SCIMP: variants seen among roughly 807,000 people sequenced by gnomAD.
The protein encoded by SCIMP is SLP adaptor and CSK interacting membrane protein.
A neutral mutation model predicts 22.0 loss-of-function variants in SCIMP; 18 were observed. The ratio of observed to expected loss-of-function variants is 0.82; its 90% CI spans 0.56 to 1.21. The LOEUF (loss-of-function observed/expected upper bound fraction) is 1.21. Among genes scored for constraint, SCIMP ranks in the 50% most tolerant of loss-of-function variants. SCIMP has a pLI of 0.00. For synonymous variants in SCIMP, 53 were observed against 62.2 expected (o/e 0.85, Z 0.70); for missense variants, 155 against 171.2 (o/e 0.91, Z 0.53).
intron 1 of SCIMP, among the ~76,000 whole-genome samples, chr17:5,224,132 T>G (rs1001760473): frequency 6.6e-6 from 1 of 152,256 alleles, no homozygotes; most frequent in African/African-American, 2.4e-5. Flanking sequence ...AATAATTGAC[T>G]GCAGGGTTGT....
chr17:5,228,663 A>G (rs561476268), intron 1 of SCIMP, among the ~76,000 whole-genome samples: 192 of 152,060 alleles, frequency 1.3e-3, no homozygotes, highest in African/African-American at 3.8e-3. Context: ...AAGAAAAAAC[A>G]GTGAAATGCA....
rs1237465911 is a variant in SCIMP, at chr17:5,232,767, C to T, written c.21+1968G>A. Among the ~76,000 whole-genome samples the T allele has an allele frequency of 2.0e-5, 3 of 151,668 alleles. No homozygotes were observed. The East Asian group carries it at 5.8e-4, about 29-fold the overall frequency. Reference sequence around the variant, plus strand: ...GCTCTGTCACCCAGGCTAGACTCCACTGGTGCAATCTCAGCTCACTGCAAC... The same window carrying T: ...GCTCTGTCACCCAGGCTAGACTCCATTGGTGCAATCTCAGCTCACTGCAAC... On this transcript the variant is annotated intron_variant, in intron 1 of 4. Transcript: ENST00000574081.
chr17:5,232,716 T>TC (rs2144354273), intron 1 of SCIMP, among the ~76,000 whole-genome samples: 1 of 111,072 alleles, frequency 9.0e-6, no homozygotes, highest in East Asian at 2.9e-4. Flanking sequence ...GTTCTTCTTC[T>TC]TTTTTTTTTT....
intron 1 of SCIMP, chr17:5,233,725 G>C (rs1567845702): frequency 6.6e-6 from 1 of 152,302 alleles, no homozygotes; most frequent in Non-Finnish European, 1.5e-5. Context: ...GCTCCACATT[G>C]CTTCATGGCC....
At chr17:5,224,490 G>T (rs1353725191) in intron 1 of SCIMP, among the ~76,000 whole-genome samples, 2 of 140,988 alleles carry the variant, frequency 1.4e-5, no homozygotes, top group South Asian at 2.3e-4. Flanking sequence ...TGAGACAGAG[G>T]CTTGCTCTGT....
intron 1 of SCIMP, among the ~76,000 whole-genome samples, chr17:5,233,370 A>C (rs985734744): frequency 5.2e-5 from 3 of 57,176 alleles, no homozygotes; most frequent in African/African-American, 1.1e-4. Context: ...TAAGCCTCTC[A>C]GTAGTTTGTT....
chr17:5,210,564 G>GA lies in SCIMP; in HGVS notation c.*236_*237insT, dbSNP rs2144298193. On this transcript the variant is annotated 3_prime_UTR_variant, in exon 5 of 5. Coordinates refer to ENST00000574081, the MANE Select transcript of SCIMP (RefSeq NM_207103.3). The stretch of plus-strand genomic sequence containing the variant: ...ATGGAAAGTTTCCTCAACAGCACAA[G>GA]GCTGACCCCTCTAAGTCCTCAGAGC... 2.1e-6 allele frequency: 1 copy of GA among 478,232 alleles called. No homozygotes were observed. 29.6% of individuals were successfully genotyped at this position (478,232 alleles called of 1,614,324 possible). A position where few individuals can be genotyped will look rare whatever the true frequency, so the allele number is the denominator to read the frequency against.
In SCIMP at chr17:5,229,247, G is replaced by A. The variant is rs190494550; in HGVS notation, c.21+5488C>T. Among the ~76,000 whole-genome samples the A allele has an allele frequency of 9.9e-5, 15 of 152,264 alleles. No individual in the cohort carries two copies. In the East Asian group the frequency reaches 1.7e-3, roughly 18 times the overall value. On this transcript the variant is annotated intron_variant, in intron 1 of 4. Transcript: ENST00000574081. ...CAAGACCTTCCACAGTGAAGAGGGC[G>A]TGTGAGTGGGAGAGCAACTGAAGGC...
chr17:5,210,887 T>C lies in SCIMP; in HGVS notation c.352A>G (p.Thr118Ala). ...TCAATGTAGCTTGGGATGGAAACAG[T>C]CTTCTTATTTTTAACTTTATTTACC... ...SLVNKVKNKK[T>A]VSIPSYIEPE... Residue 118 changes from threonine (T) to alanine (A), a missense_variant, in exon 5 of 5, where the codon ACT (threonine) becomes GCT (alanine). Thr to Ala is a moderately conservative substitution (Grantham distance 58). Transcript: ENST00000574081. 4 of 1,614,118 alleles carry C rather than the reference T, an allele frequency of 2.5e-6. No individual in the cohort carries two copies. The highest frequency in any genetic ancestry group is 3.4e-6 in the Non-Finnish European group (4 of 1,180,030).
At chr17:5,228,637 C>G (rs2074670429) in intron 1 of SCIMP, among the ~76,000 whole-genome samples, 1 of 151,806 alleles carries the variant, frequency 6.6e-6, no homozygotes, top group Non-Finnish European at 1.5e-5. Flanking sequence ...AGAGTAAGAC[C>G]CTGTCTCAAA....
chr17:5,221,057 CA>C (rs137985713), intron 3 of SCIMP: 57,313 of 476,210 alleles, frequency 0.12, no homozygotes, highest in South Asian at 0.18. Flanking sequence ...GACTCCATCT[CA>C]AAAAAAAAAA....
intron 3 of SCIMP, 44 bp downstream of exon 3, chr17:5,221,243 G>A (rs530080808): frequency 2.9e-6 from 4 of 1,377,896 alleles, no homozygotes; most frequent in Non-Finnish European, 4.1e-6. Context: ...AAGGGAACAG[G>A]CAGTTCTCAA....
intron 3 of SCIMP, among the ~76,000 whole-genome samples, chr17:5,218,599 C>T (rs1232922557): frequency 6.6e-6 from 1 of 152,138 alleles, no homozygotes; most frequent in Non-Finnish European, 1.5e-5. Context: ...ATCGGCCTCC[C>T]AAAGTCTGGG....
At chr17:5,222,002 G>A (rs1360138038) in intron 2 of SCIMP, among the ~76,000 whole-genome samples, 4 of 151,840 alleles carry the variant, frequency 2.6e-5, no homozygotes, top group East Asian at 3.9e-4. Context: ...TTGAACTCCC[G>A]ACCTCAAGTG....
intron 1 of SCIMP, among the ~76,000 whole-genome samples, chr17:5,232,021 A>C (rs946707378): frequency 6.6e-6 from 1 of 151,882 alleles, no homozygotes; most frequent in Non-Finnish European, 1.5e-5. Context: ...GCGCCACTGC[A>C]CTCCAGCCTG....
intron 1 of SCIMP, among the ~76,000 whole-genome samples, chr17:5,225,968 C>T (rs1448683879): frequency 2.0e-5 from 3 of 152,084 alleles, no homozygotes; most frequent in Admixed American, 2.0e-4. Context: ...AGCTGGTGTT[C>T]ACTGCTTGGT....
At chr17:5,218,112 A>T (rs1002997185) in intron 3 of SCIMP, among the ~76,000 whole-genome samples, 2 of 151,594 alleles carry the variant, frequency 1.3e-5, no homozygotes, top group Non-Finnish European at 2.9e-5. Context: ...TGCTGCCCTG[A>T]CCTCAGGGGT....
Position 5,234,774 on chromosome 17 carries a change from A to G in SCIMP, c.-19T>C, listed in dbSNP as rs1333539743. 6.2e-7 allele frequency: 1 copy of G among 1,607,674 alleles called. No homozygotes were observed. The highest frequency in any genetic ancestry group is 1.3e-5 in the African/African-American group (1 of 75,020). ...TATCCATATGTGAGCAGCTAAGGAGACAGCAGTGGCTGGAGTGCTGCAGCT... is the reference window on the plus strand; with the variant it reads ...TATCCATATGTGAGCAGCTAAGGAGGCAGCAGTGGCTGGAGTGCTGCAGCT... On this transcript the variant is annotated 5_prime_UTR_variant, in exon 1 of 5. Transcript: ENST00000574081.
chr17:5,216,716 A>G (rs1332558815), intron 3 of SCIMP, among the ~76,000 whole-genome samples: 2 of 152,136 alleles, frequency 1.3e-5, no homozygotes, highest in Non-Finnish European at 2.9e-5. Context: ...AATTTATACT[A>G]TCACAGACAG....
Sources: allele counts gnomAD v4.1 joint callset (sites outside exome capture counted in the v4.1 genomes callset), GRCh38; gene constraint gnomAD v4.1.1; transcripts MANE v1.5; gene names NCBI Gene and HGNC (gene_info 2026-07-23, HGNC 2026-07-21).